PPP2R5E: variants seen among roughly 807,000 people sequenced by gnomAD.
The protein encoded by PPP2R5E is serine/threonine-protein phosphatase 2A 56 kDa regulatory subunit epsilon isoform.
In PPP2R5E, 4 loss-of-function variants were observed where a neutral mutation model predicts 65.3. That is an observed-to-expected ratio of 0.06 (90% CI 0.03 to 0.14). PPP2R5E has a LOEUF of 0.14. Among genes scored for constraint, PPP2R5E ranks in the 10% least tolerant of loss-of-function variants. PPP2R5E has a pLI of 1.00. For missense variants in PPP2R5E, 274 were observed against 556.1 expected (o/e 0.49, Z 5.10); for synonymous variants, 183 against 187.4 (o/e 0.98, Z 0.19).
intron 2 of PPP2R5E, among the ~76,000 whole-genome samples, chr14:63,463,809 G>A (rs1889631029): frequency 6.6e-6 from 1 of 151,946 alleles, no homozygotes; most frequent in East Asian, 1.9e-4. Flanking sequence ...TGTTCGCCAG[G>A]ATGGTCTGGA....
intron 5 of PPP2R5E, among the ~76,000 whole-genome samples, chr14:63,406,704 G>T (rs933202147): frequency 6.6e-6 from 1 of 152,098 alleles, no homozygotes; most frequent in Non-Finnish European, 1.5e-5. Flanking sequence ...TAAATTATAC[G>T]TTCCTGGCAC....
At chr14:63,469,912 G>A (rs915953327) in intron 2 of PPP2R5E, among the ~76,000 whole-genome samples, 2 of 152,154 alleles carry the variant, frequency 1.3e-5, no homozygotes, top group African/African-American at 4.8e-5. Flanking sequence ...TGGGTCAATG[G>A]CTAACGTGTA....
chr14:63,516,295 G>A (rs918275620), intron 2 of PPP2R5E, among the ~76,000 whole-genome samples: 4 of 152,136 alleles, frequency 2.6e-5, no homozygotes, highest in Non-Finnish European at 5.9e-5. Flanking sequence ...TTTGGACACT[G>A]TAATAACCAC....
At chr14:63,497,204 A>G (rs79983881) in intron 2 of PPP2R5E, among the ~76,000 whole-genome samples, 135 of 152,284 alleles carry the variant, frequency 8.9e-4, no homozygotes, top group African/African-American at 3.0e-3. Flanking sequence ...ACCATTTTAT[A>G]TACAGATGCA....
intron 2 of PPP2R5E, among the ~76,000 whole-genome samples, chr14:63,521,402 C>G (rs1010820123): frequency 6.6e-6 from 1 of 152,212 alleles, no homozygotes; most frequent in Non-Finnish European, 1.5e-5. Flanking sequence ...GGCGCAGTGG[C>G]TCATGCCTGT....
chr14:63,506,026 T>A (rs61983974), intron 2 of PPP2R5E, among the ~76,000 whole-genome samples: 2 of 152,090 alleles, frequency 1.3e-5, no homozygotes, highest in African/African-American at 4.8e-5. Flanking sequence ...TTTCTGAGCA[T>A]GTAAATATTT....
At chr14:63,458,587 C>G (rs1242442663) in intron 2 of PPP2R5E, among the ~76,000 whole-genome samples, 2 of 152,072 alleles carry the variant, frequency 1.3e-5, no homozygotes, top group Non-Finnish European at 2.9e-5. Flanking sequence ...TATTACCCAT[C>G]ATATCATAAA....
chr14:63,520,859 CAAAAAAAAAAAAAA>C (rs748146106), intron 2 of PPP2R5E, among the ~76,000 whole-genome samples: 24,523 of 58,884 alleles, frequency 0.42, 2,820 homozygotes, highest in African/African-American at 0.48. Context: ...ACTAAAAATA[CAAAAAAAAAAAAAA>C]AAAAAAAAAA....
chr14:63,432,440 G>A (rs1887723935), intron 3 of PPP2R5E, among the ~76,000 whole-genome samples: 1 of 152,164 alleles, frequency 6.6e-6, no homozygotes, highest in African/African-American at 2.4e-5. Context: ...ATGAAAGAAA[G>A]GAATCTGTCC....
intron 2 of PPP2R5E, among the ~76,000 whole-genome samples, chr14:63,528,012 TG>T (rs1157174346): frequency 6.6e-6 from 1 of 151,864 alleles, no homozygotes. Flanking sequence ...ACATTCTTAC[TG>T]AGGGAAACTA....
intron 1 of PPP2R5E, among the ~76,000 whole-genome samples, chr14:63,540,899 C>T (rs1019178604): frequency 1.3e-5 from 2 of 152,148 alleles, no homozygotes; most frequent in Non-Finnish European, 2.9e-5. Context: ...ATCTATGCTG[C>T]CTGCCCATTT....
At chr14:63,467,391 G>T (rs1889890476) in intron 2 of PPP2R5E, among the ~76,000 whole-genome samples, 1 of 152,072 alleles carries the variant, frequency 6.6e-6, no homozygotes, top group South Asian at 2.1e-4. Context: ...TCTGAATTTT[G>T]ATATAATTCA....
At chr14:63,404,448 A>C (rs1021876237) in intron 5 of PPP2R5E, among the ~76,000 whole-genome samples, 3 of 152,162 alleles carry the variant, frequency 2.0e-5, no homozygotes, top group Non-Finnish European at 2.9e-5. Flanking sequence ...TCATACTTTC[A>C]CCTTGGCCAA....
At position 63,534,531 on chromosome 14, in the gene PPP2R5E, T is replaced by C. The variant is rs527408371; in HGVS notation, c.157+4998A>G. 4.6e-5 allele frequency among the ~76,000 whole-genome samples: 7 copies of C among 152,236 alleles called. No individual in the cohort carries two copies. The South Asian group carries it at 1.2e-3, about 27-fold the overall frequency. ...CGCCCCCTGTCGGCCTCCCCCAAGA[T>C]TTTACTTTCTTATCAAGTAAGTAAG... On this transcript the variant is annotated intron_variant, in intron 2 of 13. Coordinates refer to ENST00000337537, the MANE Select transcript of PPP2R5E (RefSeq NM_006246.5).
intron 2 of PPP2R5E, among the ~76,000 whole-genome samples, chr14:63,524,940 T>C (rs1050354474): frequency 2.0e-5 from 3 of 152,212 alleles, no homozygotes; most frequent in Non-Finnish European, 2.9e-5. Flanking sequence ...TGACCAAGAT[T>C]GCGGTTAGCT....
chr14:63,411,656 T>A (rs977729906), intron 5 of PPP2R5E, among the ~76,000 whole-genome samples: 14 of 129,850 alleles, frequency 1.1e-4, no homozygotes, highest in Non-Finnish European at 1.6e-4. Context: ...GATGTGGTTG[T>A]TTAAAAAAAA....
At chr14:63,463,498 A>G (rs1468802347) in intron 2 of PPP2R5E, among the ~76,000 whole-genome samples, 1 of 151,732 alleles carries the variant, frequency 6.6e-6, no homozygotes, top group Non-Finnish European at 1.5e-5. Context: ...AACCTAACCA[A>G]AAAAAAATGC....
At chr14:63,540,709 G>T (rs1226725687) in intron 1 of PPP2R5E, among the ~76,000 whole-genome samples, 3 of 139,696 alleles carry the variant, frequency 2.1e-5, no homozygotes, top group Non-Finnish European at 4.6e-5. Flanking sequence ...GCAGCAAGAG[G>T]AAAACTCCTT....
intron 3 of PPP2R5E, among the ~76,000 whole-genome samples, chr14:63,437,828 A>G (rs745744286): frequency 1.3e-5 from 2 of 152,128 alleles, no homozygotes; most frequent in Non-Finnish European, 2.9e-5. Context: ...CTTGCTCTCC[A>G]ACTTAGCAAA....
Sources: gnomAD v4.1 joint callset for allele counts (sites outside exome capture counted in the v4.1 genomes callset) on GRCh38, gnomAD v4.1.1 for gene constraint, MANE v1.5 for transcripts, NCBI Gene and HGNC (gene_info 2026-07-23, HGNC 2026-07-21) for gene names.